CD96: variants seen among roughly 807,000 people sequenced by gnomAD.
CD96 encodes CD96 molecule, also known as T-cell surface protein tactile.
In CD96, 70 loss-of-function variants were observed where a neutral mutation model predicts 71.3. The observed-to-expected ratio is 0.98, with a 90% CI of 0.81 to 1.20. The LOEUF (loss-of-function observed/expected upper bound fraction) is 1.20, where lower values mean the gene tolerates loss of function less well. Ranked by LOEUF, CD96 falls within the 50% of genes most tolerant of loss-of-function variation. CD96 has a pLI of 0.00. For synonymous variants in CD96, 248 were observed against 233.0 expected (o/e 1.06, Z -0.59); for missense variants, 742 against 677.5 (o/e 1.10, Z -1.06).
chr3:111,591,447 C>G (rs1022040974), intron 5 of CD96, among the ~76,000 whole-genome samples: 4 of 148,508 alleles, frequency 2.7e-5, no homozygotes, highest in African/African-American at 9.8e-5. Flanking sequence ...GCTCCAGCAT[C>G]TTTGTGCAGA....
intron 3 of CD96, among the ~76,000 whole-genome samples, chr3:111,569,107 C>A (rs945054953): frequency 1.3e-5 from 2 of 152,172 alleles, no homozygotes; most frequent in African/African-American, 4.8e-5. Context: ...ATTCATATTA[C>A]AAGCTACCTA....
rs1426305970 is a variant in CD96 at position 111,585,348 on chromosome 3, G to A, written c.777G>A (p.Val259=). 1 of 1,611,206 alleles carries A rather than the reference G, an allele frequency of 6.2e-7. No individual in the cohort carries two copies. The highest frequency in any genetic ancestry group is 1.1e-5 in the South Asian group (1 of 91,030). The change falls in exon 5 of 14, where the codon GTG becomes GTA. Residue 259 remains valine, a synonymous_variant. Transcript: ENST00000352690. ...CTAAACCAGAAATCCCTGTGATTGT[G>A]GAAAATAACTCCACGGATGTCTTGG... is the stretch of plus-strand genomic sequence containing the variant. ...VFAKPEIPVI[V]ENNSTDVLVE...
At chr3:111,566,624 G>T (rs1935724983) in intron 2 of CD96, among the ~76,000 whole-genome samples, 1 of 152,062 alleles carries the variant, frequency 6.6e-6, no homozygotes, top group Non-Finnish European at 1.5e-5. Flanking sequence ...GCCTTTATTT[G>T]TAAACTTCTT....
chr3:111,620,870 G>A (rs1938488811), intron 8 of CD96, among the ~76,000 whole-genome samples: 1 of 152,166 alleles, frequency 6.6e-6, no homozygotes, highest in South Asian at 2.1e-4. Flanking sequence ...AACATAATAG[G>A]TAGAATCAAA....
intron 5 of CD96, among the ~76,000 whole-genome samples, chr3:111,596,681 A>T (rs1271544227): frequency 6.6e-6 from 1 of 152,174 alleles, no homozygotes; most frequent in African/African-American, 2.4e-5. Context: ...CTCTTCCTGG[A>T]CCAACTGGAG....
chr3:111,583,696 G>A (rs763764944), intron 4 of CD96, among the ~76,000 whole-genome samples: 38 of 152,214 alleles, frequency 2.5e-4, no homozygotes, highest in Non-Finnish European at 4.4e-4. Context: ...ACTTTTAGAA[G>A]CAATGGCCCA....
intron 2 of CD96, among the ~76,000 whole-genome samples, chr3:111,561,752 C>G (rs374657938): frequency 1.4e-5 from 2 of 141,780 alleles, no homozygotes; most frequent in Non-Finnish European, 3.1e-5. Flanking sequence ...TCGAGCTTCC[C>G]GGCTGCTTTG....
rs1239458621 is a variant in CD96 at position 111,570,934 on chromosome 3, A to G, written c.543+3287A>G. 5 of 1,570,714 alleles carry G rather than the reference A, an allele frequency of 3.2e-6. No homozygotes were observed. The Admixed American group carries it at 8.3e-5, about 26-fold the overall frequency. ...TCAGTGCATGAGGCGCCAGCGTCAAAGTAGGGGGTCTTGAGTGGGCTGTGC... is the reference window on the plus strand; with the variant it reads ...TCAGTGCATGAGGCGCCAGCGTCAAGGTAGGGGGTCTTGAGTGGGCTGTGC... On this transcript the variant is annotated intron_variant, in intron 3 of 13. Transcript: ENST00000352690.
chr3:111,579,281 G>A (rs531046920), intron 4 of CD96, 47 bp downstream of exon 4: 11 of 1,011,192 alleles, frequency 1.1e-5, no homozygotes, highest in African/African-American at 9.5e-5. Context: ...CCTGTCTCCT[G>A]CCCTGCTCTT....
intron 3 of CD96, among the ~76,000 whole-genome samples, chr3:111,578,010 A>G (rs931613762): frequency 2.6e-5 from 4 of 152,170 alleles, no homozygotes; most frequent in Non-Finnish European, 4.4e-5. Context: ...CAATTGTCCT[A>G]GCTATGGCCT....
chr3:111,624,276 A>C, intron 9 of CD96, 57 bp from the exon 10 acceptor site: 2 of 1,171,824 alleles, frequency 1.7e-6, no homozygotes, highest in Admixed American at 3.4e-5. Context: ...CATCAAAGCA[A>C]AGTTAAATTA....
Position 111,545,393 on chromosome 3 carries a change from C to A in CD96, c.409C>A (p.Gln137Lys). Reference sequence around the variant, plus strand: ...GACTAAAATCTACAACCTTCTCATTCAGACACACGGTAAGCATAACTGGTA... The same window carrying A: ...GACTAAAATCTACAACCTTCTCATTAAGACACACGGTAAGCATAACTGGTA... The part of the protein sequence containing the change: ...IQTKIYNLLI[Q>K]THVTADEWNS... The change falls in exon 2 of 14, where the codon CAG becomes AAG. Residue 137 changes from glutamine to lysine, a missense_variant. Coordinates refer to ENST00000352690, the MANE Select transcript of CD96 (RefSeq NM_005816.5). The A allele has an allele frequency of 6.3e-7, 1 of 1,579,236 alleles. No individual in the cohort carries two copies. The highest frequency in any genetic ancestry group is 8.7e-7 in the Non-Finnish European group (1 of 1,148,382).
At chr3:111,656,355 T>A (rs991622534), downstream of CD96, among the ~76,000 whole-genome samples, 4 of 152,190 alleles carry the variant, frequency 2.6e-5, no homozygotes, top group African/African-American at 9.6e-5. Context: ...TTTGACAATA[T>A]TGTCCGTTAT....
At chr3:111,606,961 A>C in intron 8 of CD96, 169 bp downstream of exon 8, 1 of 674,522 alleles carries the variant, frequency 1.5e-6, no homozygotes, top group African/African-American at 1.8e-5. Flanking sequence ...ACGTCACATT[A>C]ACTTGCCCAT....
intron 14 of CD96, among the ~76,000 whole-genome samples, chr3:111,659,979 T>C (rs1344019216): frequency 6.6e-6 from 1 of 152,138 alleles, no homozygotes; most frequent in African/African-American, 2.4e-5. Flanking sequence ...GACAAGTATG[T>C]CCATTCTCAC....
chr3:111,663,304 G>C (rs1226640890), intron 14 of CD96, among the ~76,000 whole-genome samples: 1 of 152,124 alleles, frequency 6.6e-6, no homozygotes, highest in South Asian at 2.1e-4. Context: ...TCCCAACACT[G>C]GGAATTACAA....
At chr3:111,662,868 T>C (rs576155070) in intron 14 of CD96, among the ~76,000 whole-genome samples, 1 of 152,200 alleles carries the variant, frequency 6.6e-6, no homozygotes, top group African/African-American at 2.4e-5. Flanking sequence ...CAACCTCTGC[T>C]CCTTACCCAG....
chr3:111,600,785 G>A lies in CD96; in HGVS notation c.958G>A (p.Val320Ile), dbSNP rs1158584738. The A allele has an allele frequency of 1.9e-6, 3 of 1,613,426 alleles. No individual in the cohort carries two copies. Among genetic ancestry groups the A allele is most frequent in the Non-Finnish European group, 2.5e-6 (3 of 1,179,520 alleles). The change falls in exon 7 of 14, where the codon GTT (valine) becomes ATT (isoleucine). Residue 320 changes from valine to isoleucine, a missense_variant. Coordinates refer to ENST00000352690, the MANE Select transcript of CD96 (RefSeq NM_005816.5). ...GKDGFLELKSVLTRVHSNKPA... is the reference protein window; with the variant it reads ...GKDGFLELKSILTRVHSNKPA... ...AGATGGATTTTTGGAACTGAAGTCT[G>A]TTTTAACAAGGGTACATAGTAATAA...
chr3:111,594,486 A>G (rs988580889), intron 5 of CD96: 15 of 352,862 alleles, frequency 4.3e-5, no homozygotes, highest in Non-Finnish European at 7.0e-5. Flanking sequence ...AAGACAAAAC[A>G]TATCAGTTCC....
Sources: gnomAD v4.1 joint callset for allele counts (sites outside exome capture counted in the v4.1 genomes callset) on GRCh38, gnomAD v4.1.1 for gene constraint, MANE v1.5 for transcripts, NCBI Gene and HGNC (gene_info 2026-07-23, HGNC 2026-07-21) for gene names.